Variants in DENND1B observed in about 807,000 individuals in gnomAD.
DENND1B encodes DENN domain-containing protein 1B.
In DENND1B, 59 loss-of-function variants were observed where a neutral mutation model predicts 90.1. The observed-to-expected ratio is 0.65, with a 90% CI of 0.53 to 0.81. The LOEUF (loss-of-function observed/expected upper bound fraction) is 0.81. Among genes scored for constraint, DENND1B ranks in the 40% least tolerant of loss-of-function variants. DENND1B has a pLI of 0.00. For synonymous variants in DENND1B, 337 were observed against 324.6 expected (o/e 1.04, Z -0.41); for missense variants, 862 against 912.6 (o/e 0.94, Z 0.71).
chr1:197,647,221 T>TA (rs749571730), intron 7 of DENND1B, 107 bp from the exon 8 acceptor site: 2 of 552,692 alleles, frequency 3.6e-6, no homozygotes, highest in African/African-American at 4.0e-5. Flanking sequence ...AGTTAGCCAC[T>TA]AAAAAATACT....
In DENND1B at chr1:197,626,503, A is replaced by C. The variant is rs572661552; in HGVS notation, c.673-8744T>G. Among the ~76,000 whole-genome samples the C allele has an allele frequency of 8.4e-3, 1,281 of 152,286 alleles. 19 individuals carry two copies. The highest frequency in any genetic ancestry group is 0.028 in the African/African-American group (1,177 of 41,558). On this transcript the variant is annotated intron_variant, in intron 10 of 22. Transcript: ENST00000620048. The stretch of plus-strand genomic sequence containing the variant: ...TGAGAACAAAGACACAACATACCAC[A>C]ATCTCTGGGACACATTCAAAGCAGT...
chr1:197,531,135 G>A (rs1482009777), intron 20 of DENND1B, among the ~76,000 whole-genome samples: 2 of 152,144 alleles, frequency 1.3e-5, no homozygotes, highest in African/African-American at 4.8e-5. Context: ...TGCCCTGACT[G>A]GATTGTTGGA....
At chr1:197,715,206 TA>T (rs1660533372) in intron 2 of DENND1B, 132 bp from the exon 3 acceptor site, 1 of 588,488 alleles carries the variant, frequency 1.7e-6, no homozygotes, top group South Asian at 3.0e-5. Flanking sequence ...TAAACATTTA[TA>T]GTTGATGACA....
intron 6 of DENND1B, among the ~76,000 whole-genome samples, chr1:197,653,066 C>T (rs183646693): frequency 5.9e-4 from 90 of 151,838 alleles, no homozygotes; most frequent in African/African-American, 1.4e-3. Context: ...AGTTTGGATA[C>T]GAGATATAGA....
At chr1:197,763,227 C>T (rs1030902584) in intron 2 of DENND1B, among the ~76,000 whole-genome samples, 1 of 152,200 alleles carries the variant, frequency 6.6e-6, no homozygotes, top group Non-Finnish European at 1.5e-5. Flanking sequence ...GGGAGGATCC[C>T]TGGAGCCCAG....
intron 20 of DENND1B, among the ~76,000 whole-genome samples, chr1:197,520,947 G>A (rs1378440469): frequency 6.6e-6 from 1 of 151,766 alleles, no homozygotes; most frequent in Admixed American, 6.6e-5. Flanking sequence ...AATGTGAAAA[G>A]GTACTAAACT....
At chr1:197,584,576 A>G (rs1308615388) in intron 14 of DENND1B, among the ~76,000 whole-genome samples, 3 of 152,228 alleles carry the variant, frequency 2.0e-5, no homozygotes, top group African/African-American at 7.2e-5. Flanking sequence ...AGACAATTCG[A>G]TAAACTCTTA....
intron 10 of DENND1B, among the ~76,000 whole-genome samples, chr1:197,623,659 C>A (rs966343833): frequency 6.6e-6 from 1 of 151,362 alleles, no homozygotes; most frequent in African/African-American, 2.4e-5. Context: ...GTTCTCCCTG[C>A]CCTCACACAC....
chr1:197,577,298 G>T (rs1250290925), intron 15 of DENND1B, among the ~76,000 whole-genome samples: 4 of 152,078 alleles, frequency 2.6e-5, no homozygotes, highest in Non-Finnish European at 4.4e-5. Context: ...CTACATTGCG[G>T]TATAGAATAT....
intron 2 of DENND1B, among the ~76,000 whole-genome samples, chr1:197,733,560 C>A (rs1177378455): frequency 6.6e-6 from 1 of 152,148 alleles, no homozygotes; most frequent in Non-Finnish European, 1.5e-5. Context: ...AACAAAAGCT[C>A]TGTCTTTGTC....
intron 2 of DENND1B, among the ~76,000 whole-genome samples, chr1:197,750,794 T>C (rs533377318): frequency 6.6e-6 from 1 of 152,162 alleles, no homozygotes; most frequent in Non-Finnish European, 1.5e-5. Context: ...AACTAACCCT[T>C]TTAACATATG....
chr1:197,702,936 A>C (rs1285680971), intron 3 of DENND1B, among the ~76,000 whole-genome samples: 3 of 152,130 alleles, frequency 2.0e-5, no homozygotes, highest in Non-Finnish European at 4.4e-5. Context: ...TTTAAAGAGA[A>C]AGAATTATTT....
chr1:197,552,104 C>T (rs1480950320), intron 16 of DENND1B, among the ~76,000 whole-genome samples: 2 of 151,640 alleles, frequency 1.3e-5, no homozygotes, highest in Admixed American at 6.6e-5. Context: ...TAGATGAGTA[C>T]TTATTACGTT....
At position 197,508,178 on chromosome 1, in the gene DENND1B, T is replaced by C. The variant is rs1667813975; in HGVS notation, c.*2282A>G. ...CACAGTTGTTTTTCAGACTGAGTTC[T>C]GAAAAAAACAAACAAAAAACCATAC... On this transcript the variant is annotated 3_prime_UTR_variant, in exon 23 of 23. Coordinates refer to ENST00000620048, the MANE Select transcript of DENND1B (RefSeq NM_001195215.2). The C allele has an allele frequency of 6.6e-6, 1 of 151,614 alleles. No homozygotes were observed. The highest frequency in any genetic ancestry group is 1.5e-5 in the Non-Finnish European group (1 of 67,732). 9.4% of individuals were successfully genotyped at this position (151,614 alleles called of 1,614,324 possible).
intron 16 of DENND1B, chr1:197,552,702 G>A (rs143662837): frequency 9.2e-7 from 1 of 1,083,596 alleles, no homozygotes; most frequent in African/African-American, 1.7e-5. Context: ...TTTTCTAGCA[G>A]AGAATACTAC....
chr1:197,527,759 T>C (rs992060263), intron 20 of DENND1B, among the ~76,000 whole-genome samples: 7 of 152,204 alleles, frequency 4.6e-5, no homozygotes, highest in African/African-American at 1.7e-4. Context: ...TAAAGTATTC[T>C]TTCTAATTTT....
At chr1:197,743,156 C>G (rs1663374400) in intron 2 of DENND1B, among the ~76,000 whole-genome samples, 1 of 152,102 alleles carries the variant, frequency 6.6e-6, no homozygotes, top group African/African-American at 2.4e-5. Context: ...AAGATTAAAT[C>G]AAACACCCTT....
Position 197,510,469 on chromosome 1 carries a change from G to A in DENND1B, c.2319C>T (p.Asn773=). The A allele has an allele frequency of 1.9e-6, 3 of 1,601,390 alleles. No individual in the cohort carries two copies. The highest frequency in any genetic ancestry group is 1.7e-6 in the Non-Finnish European group (2 of 1,173,050). ...LNISDKNTNG[N]QT ...AGCTTGGATGCAAGATTTAAGTTTG[G>A]TTTCCATTTGTGTTTTTGTCTGAAA... The change falls in exon 23 of 23, where the codon AAC becomes AAT. Residue 773 remains asparagine, a synonymous_variant. Transcript: ENST00000620048.
At chr1:197,527,172 T>C (rs1458397354) in intron 20 of DENND1B, among the ~76,000 whole-genome samples, 2 of 152,162 alleles carry the variant, frequency 1.3e-5, no homozygotes, top group Non-Finnish European at 2.9e-5. Context: ...ATAATTAGTC[T>C]ACATATATCT....
Sources: allele counts gnomAD v4.1 joint callset (sites outside exome capture counted in the v4.1 genomes callset), GRCh38; gene constraint gnomAD v4.1.1; transcripts MANE v1.5; gene names NCBI Gene and HGNC (gene_info 2026-07-23, HGNC 2026-07-21).